The following DCAF12 variants were observed in gnomAD, a reference collection of about 807,000 sequenced individuals.
The protein encoded by DCAF12 is DDB1 and CUL4 associated factor 12, also known as DDB1- and CUL4-associated factor 12.
In DCAF12, 28 loss-of-function variants were observed where a neutral mutation model predicts 52.8. That is an observed-to-expected ratio of 0.53 (90% confidence interval 0.39 to 0.73). The LOEUF (loss-of-function observed/expected upper bound fraction) is 0.73. Ranked by LOEUF, DCAF12 falls within the 30% of genes least tolerant of loss-of-function variation. The probability of loss-of-function intolerance (pLI) is 0.00; values close to 1 mark genes in which losing one functional copy is unlikely to be tolerated. For synonymous variants in DCAF12, 196 were observed against 215.5 expected (o/e 0.91, Z 0.79); for missense variants, 425 against 552.2 (o/e 0.77, Z 2.31).
intron 8 of DCAF12, among the ~76,000 whole-genome samples, chr9:34,088,813 G>C (rs1408603707): frequency 1.3e-5 from 2 of 152,120 alleles, no homozygotes; most frequent in East Asian, 1.9e-4. Context: ...CCAAACACTT[G>C]AATAATTCAC....
rs540489235 is a variant in DCAF12, at chr9:34,100,499, C to CTT, written c.602-1984_602-1983dup. Among the ~76,000 whole-genome samples the CTT allele has an allele frequency of 1.5e-4, 20 of 134,200 alleles. No homozygotes were observed. In the East Asian group the frequency reaches 2.4e-3, roughly 16 times the overall value. 88.0% of individuals were successfully genotyped at this position (134,200 alleles called of 152,430 possible). ...AGGAGTGAGACACCACGCCCAGCTT[C>CTT]TTTTTTTTTTTTTAATACAAGGCCT... On this transcript the variant is annotated intron_variant, in intron 4 of 8. Coordinates refer to ENST00000361264, the MANE Select transcript of DCAF12 (RefSeq NM_015397.4).
In DCAF12 at chr9:34,087,596, C is replaced by A. The variant is rs1015345652; in HGVS notation, c.*754G>T. The A allele has an allele frequency of 6.6e-6, 1 of 152,112 alleles. No individual in the cohort carries two copies. The highest frequency in any genetic ancestry group is 2.4e-5 in the African/African-American group (1 of 41,398). 9.4% of individuals were successfully genotyped at this position (152,112 alleles called of 1,614,324 possible). On this transcript the variant is annotated 3_prime_UTR_variant, in exon 9 of 9. Transcript: ENST00000361264. ...GGGGAAGTGACACCAACTTCCCACA[C>A]GGGGGACACACAGGTGGGAAGACAG...
intron 4 of DCAF12, among the ~76,000 whole-genome samples, chr9:34,100,797 G>A (rs1414570485): frequency 7.0e-6 from 1 of 142,552 alleles, no homozygotes; most frequent in Non-Finnish European, 1.6e-5. Context: ...ACCAAGCCTA[G>A]CCTTATTTTT....
chr9:34,113,945 A>G (rs1829045570), intron 2 of DCAF12, among the ~76,000 whole-genome samples: 1 of 152,018 alleles, frequency 6.6e-6, no homozygotes, highest in African/African-American at 2.4e-5. Context: ...CGTCTCTACT[A>G]AAAATACAAA....
At chr9:34,090,985 A>G (rs776574224) in intron 7 of DCAF12, among the ~76,000 whole-genome samples, 49 of 151,882 alleles carry the variant, frequency 3.2e-4, no homozygotes, top group Non-Finnish European at 5.6e-4. Context: ...TACTACTCTC[A>G]TTATACATTA....
rs865841066 is a variant in DCAF12 at position 34,126,624 on chromosome 9, C to A, written c.-193G>T. The stretch of plus-strand genomic sequence containing the variant: ...GGAAAGAGAGAGGAAGGACTTGAGC[C>A]GGGAAAGGGAAGGGGAAGCGAGAAT... On this transcript the variant is annotated 5_prime_UTR_variant, in exon 1 of 9. Coordinates refer to ENST00000361264, the MANE Select transcript of DCAF12 (RefSeq NM_015397.4). The A allele has an allele frequency of 1.6e-6, 1 of 638,952 alleles. No individual in the cohort carries two copies. The highest frequency in any genetic ancestry group is 2.6e-6 in the Non-Finnish European group (1 of 383,426). 39.6% of individuals were successfully genotyped at this position (638,952 alleles called of 1,614,324 possible). A position where few individuals can be genotyped will look rare whatever the true frequency, so the allele number is the denominator to read the frequency against.
chr9:34,088,260 G>A lies in DCAF12; in HGVS notation c.*90C>T, dbSNP rs1828590462. 1 of 1,419,504 alleles carries A rather than the reference G, an allele frequency of 7.0e-7. No individual in the cohort carries two copies. The highest frequency in any genetic ancestry group is 9.4e-7 in the Non-Finnish European group (1 of 1,062,072). The allele number at this position is 1,419,504 out of a possible 1,614,324, so 87.9% of individuals were successfully genotyped here. A position where few individuals can be genotyped will look rare whatever the true frequency, so the allele number is the denominator to read the frequency against. ...TTGGTGTTCCCACTAAAACACAAGAGCCTCACACAATTAGGAAAAAAAAAA... is the reference window on the plus strand; with the variant it reads ...TTGGTGTTCCCACTAAAACACAAGAACCTCACACAATTAGGAAAAAAAAAA... On this transcript the variant is annotated 3_prime_UTR_variant, in exon 9 of 9. Transcript: ENST00000361264.
intron 2 of DCAF12, among the ~76,000 whole-genome samples, chr9:34,111,273 C>T (rs771037840): frequency 2.0e-4 from 30 of 151,994 alleles, no homozygotes; most frequent in Non-Finnish European, 4.0e-4. Context: ...TGTGAGCCAC[C>T]GCACCCAGCC....
chr9:34,099,312 C>T (rs1828789960), intron 4 of DCAF12, among the ~76,000 whole-genome samples: 2 of 152,246 alleles, frequency 1.3e-5, no homozygotes, highest in South Asian at 4.1e-4. Flanking sequence ...TCTTGGCTCA[C>T]TGCAACCTCC....
chr9:34,098,512 G>A lies in DCAF12; in HGVS notation c.607C>T (p.Arg203Cys), dbSNP rs769064349. ...ISDTMAVSGS[R>C]DGSMGLWEVT... ...TCCCAGAGTCCCATAGAACCATCAC[G>A]TGAGCCTGCAGGGCCAGGAGAACAC... is the stretch of plus-strand genomic sequence containing the variant. The change falls in exon 5 of 9, where the codon CGT (arginine) becomes TGT (cysteine). Residue 203 changes from arginine (R) to cysteine (C), a missense_variant. Physicochemically the swap from Arg to Cys is radical, Grantham distance 180 (BLOSUM62 -3). This residue lies in a region of DCAF12 where 328 missense variants were observed against 444.4 expected (regional missense o/e 0.74). Coordinates refer to ENST00000361264, the MANE Select transcript of DCAF12 (RefSeq NM_015397.4). The A allele has an allele frequency of 5.6e-6, 9 of 1,612,668 alleles. No homozygotes were observed. The highest frequency in any genetic ancestry group is 7.6e-6 in the Non-Finnish European group (9 of 1,179,276).
At chr9:34,113,076 G>C (rs1277742714) in intron 2 of DCAF12, among the ~76,000 whole-genome samples, 1 of 151,986 alleles carries the variant, frequency 6.6e-6, no homozygotes, top group Non-Finnish European at 1.5e-5. Context: ...TTGAGATACA[G>C]TCTCATTCTT....
rs1168299574 is a variant in DCAF12 at position 34,093,334 on chromosome 9, G to A, written c.976C>T (p.Gln326Ter). Residue 326 changes from glutamine to a stop codon, truncating the protein, a stop_gained, in exon 7 of 9, where the codon CAG (glutamine) becomes TAG (stop). Transcript: ENST00000361264. LOFTEE classifies it high-confidence loss of function. ...QAHVSFLDPR[Q>*]PSYNVKSVCS... ...ACAGACTTGACGTTGTATGATGGCTGCCGTGGATCCAAGAAGGAGACATGA... is the reference window on the plus strand; with the variant it reads ...ACAGACTTGACGTTGTATGATGGCTACCGTGGATCCAAGAAGGAGACATGA... The A allele has an allele frequency of 1.2e-6, 2 of 1,614,242 alleles. No individual in the cohort carries two copies. The highest frequency in any genetic ancestry group is 3.3e-5 in the Admixed American group (2 of 60,024).
At chr9:34,101,573 G>C (rs1828830427) in intron 4 of DCAF12, among the ~76,000 whole-genome samples, 1 of 151,012 alleles carries the variant, frequency 6.6e-6, no homozygotes, top group Non-Finnish European at 1.5e-5. Flanking sequence ...TGTATTTTTA[G>C]TAGAGACGGG....
chr9:34,101,756 T>C (rs956704655), intron 4 of DCAF12, among the ~76,000 whole-genome samples: 1 of 151,918 alleles, frequency 6.6e-6, no homozygotes, highest in African/African-American at 2.4e-5. Flanking sequence ...TGCTCACACC[T>C]GTAATCCCAG....
chr9:34,114,973 C>G lies in DCAF12; in HGVS notation c.334-7408G>C, dbSNP rs555888052. Among the ~76,000 whole-genome samples, 180 of 151,638 alleles carry G rather than the reference C, an allele frequency of 1.2e-3. 2 individuals are homozygous for G. Among genetic ancestry groups the G allele is most frequent in the South Asian group, 0.011 (51 of 4,804 alleles). ...CAGAGCAAGACCTTGCCTCTAAAAA[C>G]AAAAAACACAAAAACAAAAAAAAGA... On this transcript the variant is annotated intron_variant, in intron 2 of 8. Transcript: ENST00000361264.
chr9:34,098,387 G>A lies in DCAF12; in HGVS notation c.732C>T (p.Pro244=), dbSNP rs1828772797. The change falls in exon 5 of 9, where the codon CCC becomes CCT. Residue 244 remains proline, a synonymous_variant. Coordinates refer to ENST00000361264, the MANE Select transcript of DCAF12 (RefSeq NM_015397.4). ...AGTTGTCAGGGTTTGTGTCTTCTTT[G>A]GGGATGTCCTTTAAGGCCTTGTGAG... The part of the protein sequence containing the change: ...HITHKALKDI[P]KEDTNPDNCK... 6 of 1,614,090 alleles carry A rather than the reference G, an allele frequency of 3.7e-6. No individual in the cohort carries two copies. The highest frequency in any genetic ancestry group is 1.6e-4 in the Middle Eastern group (1 of 6,084).
rs1011291031 is a variant in DCAF12 at position 34,107,303 on chromosome 9, C to T, written c.540+56G>A. 109 of 1,544,770 alleles carry T rather than the reference C, an allele frequency of 7.1e-5. No individual in the cohort carries two copies. The Admixed American group carries it at 1.7e-3, about 24-fold the overall frequency. On this transcript the variant is annotated intron_variant, in intron 3 of 8. Coordinates refer to ENST00000361264, the MANE Select transcript of DCAF12 (RefSeq NM_015397.4). ...ATGAGAGGAGGGTCCATGTTAATCA[C>T]TGAGACCCGTTTAAAAACAAGGCTC...
Position 34,110,981 on chromosome 9 carries a change from TTC to T in DCAF12, c.334-3418_334-3417del, listed in dbSNP as rs1038342759. ...TGCCAGAAATGATTCTCCTATTCTTTTCTGTTTTTTTTTTTTTTTTTTGAGAC... is the reference window on the plus strand; with the variant it reads ...TGCCAGAAATGATTCTCCTATTCTTTTGTTTTTTTTTTTTTTTTTTGAGAC... On this transcript the variant is annotated intron_variant, in intron 2 of 8. Coordinates refer to ENST00000361264, the MANE Select transcript of DCAF12 (RefSeq NM_015397.4). Among the ~76,000 whole-genome samples, 23 of 146,022 alleles carry T rather than the reference TTC, an allele frequency of 1.6e-4. 1 individual carries two copies. In the South Asian group the frequency reaches 3.9e-3, roughly 25 times the overall value.
intron 2 of DCAF12, among the ~76,000 whole-genome samples, 173 bp downstream of exon 2, chr9:34,124,850 G>A (rs2131445455): frequency 6.6e-6 from 1 of 152,268 alleles, no homozygotes; most frequent in African/African-American, 2.4e-5. Flanking sequence ...AAATGTATGA[G>A]TGAAAAAAGG....
Sources: allele counts gnomAD v4.1 joint callset (sites outside exome capture counted in the v4.1 genomes callset), GRCh38; gene constraint gnomAD v4.1.1; regional missense constraint gnomAD v4.1.1; transcripts MANE v1.5; gene names NCBI Gene and HGNC (gene_info 2026-07-23, HGNC 2026-07-21).